Variants in CCDC171 observed in about 807,000 individuals in gnomAD.
The protein encoded by CCDC171 is coiled-coil domain containing 171.
Under a neutral mutation model 168.2 loss-of-function variants are expected in CCDC171, and 177 were observed. The observed-to-expected ratio is 1.05, with a 90% CI of 0.93 to 1.19. The LOEUF (loss-of-function observed/expected upper bound fraction) is 1.19. Ranked by LOEUF, CCDC171 falls within the 50% of genes most tolerant of loss-of-function variation. The probability of loss-of-function intolerance (pLI) is 0.00; values close to 1 mark genes in which losing one functional copy is unlikely to be tolerated. For synonymous variants in CCDC171, 687 were observed against 540.8 expected (o/e 1.27, Z -3.75); for missense variants, 1,991 against 1,539.0 (o/e 1.29, Z -4.91).
At chr9:15,879,993 A>G (rs1337538861) in intron 24 of CCDC171, among the ~76,000 whole-genome samples, 1 of 152,160 alleles carries the variant, frequency 6.6e-6, no homozygotes, top group Non-Finnish European at 1.5e-5. Context: ...AATTTCTGAT[A>G]ATAGAAGAAA....
intron 1 of CCDC171, among the ~76,000 whole-genome samples, chr9:15,563,192 G>A (rs1434735167): frequency 1.3e-5 from 2 of 149,490 alleles, no homozygotes; most frequent in African/African-American, 2.5e-5. Flanking sequence ...AGGCTTGAGT[G>A]CAATGGTGCA....
intron 11 of CCDC171, among the ~76,000 whole-genome samples, chr9:15,699,697 A>C (rs1314624425): frequency 1.3e-5 from 2 of 151,736 alleles, no homozygotes; most frequent in Non-Finnish European, 2.9e-5. Context: ...GACACGGGGT[A>C]CTGATTGGTG....
intron 21 of CCDC171, among the ~76,000 whole-genome samples, chr9:15,832,250 T>G (rs2060265204): frequency 6.6e-6 from 1 of 152,196 alleles, no homozygotes; most frequent in South Asian, 2.1e-4. Context: ...CTCCTTTAAT[T>G]TGACCTTATC....
chr9:15,859,019 A>G (rs1472023886), intron 23 of CCDC171, among the ~76,000 whole-genome samples: 1 of 151,792 alleles, frequency 6.6e-6, no homozygotes, highest in East Asian at 1.9e-4. Flanking sequence ...TTAGCTGTGA[A>G]CTCTACATAT....
rs58407296 is a variant in CCDC171 at position 15,736,661 on chromosome 9, T to TTTTCTTTCTTTCTTTCTTTC, written c.2049+6875_2049+6894dup. 1.5e-3 allele frequency among the ~76,000 whole-genome samples: 219 copies of TTTTCTTTCTTTCTTTCTTTC among 148,006 alleles called. 1 individual carries two copies. The highest frequency in any genetic ancestry group is 4.2e-3 in the African/African-American group (168 of 39,896). On this transcript the variant is annotated intron_variant, in intron 16 of 25. Coordinates refer to ENST00000380701, the MANE Select transcript of CCDC171 (RefSeq NM_173550.4). ...GCCACGGTGCCCGGCTCACATTTCT[T>TTTTCTTTCTTTCTTTCTTTC]TTTCTTTCTTTCTTTCTTTCTTTCT...
At chr9:16,007,243 T>A (rs1484771644) in intron 3 of CCDC171, among the ~76,000 whole-genome samples, 3 of 152,258 alleles carry the variant, frequency 2.0e-5, no homozygotes, top group African/African-American at 7.2e-5. Flanking sequence ...TTGAGTAGTG[T>A]CTGTTCATAT....
At chr9:15,857,355 T>A (rs185959797) in intron 23 of CCDC171, among the ~76,000 whole-genome samples, 23 of 152,098 alleles carry the variant, frequency 1.5e-4, no homozygotes, top group South Asian at 4.2e-4. Context: ...AAATTTATAG[T>A]TGTAAGTCTT....
chr9:15,678,866 T>A lies in CCDC171; in HGVS notation c.1185T>A (p.Ser395Arg), dbSNP rs1237150580. Residue 395 changes from serine to arginine, a missense_variant, in exon 10 of 26, where the codon AGT becomes AGA. Coordinates refer to ENST00000380701, the MANE Select transcript of CCDC171 (RefSeq NM_173550.4). ...AGAGACTCCAGTATAATGAAAAAAG[T>A]TGCAGTGAATTACAGGAAGAACTAG... ...LSKRLQYNEK[S>R]CSELQEELVM... 1 of 1,591,178 alleles carries A rather than the reference T, an allele frequency of 6.3e-7. No homozygotes were observed. The highest frequency in any genetic ancestry group is 1.4e-5 in the African/African-American group (1 of 73,390).
chr9:16,017,100 A>G (rs12001290), intron 3 of CCDC171, among the ~76,000 whole-genome samples: 2,768 of 152,256 alleles, frequency 0.018, 82 homozygotes, highest in African/African-American at 0.062. Context: ...TTGGTGGTGG[A>G]GTAGATTATG....
At chr9:15,596,000 T>A (rs1200741490) in intron 6 of CCDC171, among the ~76,000 whole-genome samples, 2 of 152,148 alleles carry the variant, frequency 1.3e-5, no homozygotes, top group African/African-American at 4.8e-5. Flanking sequence ...GGGTTGTTTT[T>A]TTCCTGTAAA....
intron 25 of CCDC171, among the ~76,000 whole-genome samples, chr9:15,966,788 T>G (rs760904544): frequency 6.6e-5 from 10 of 152,108 alleles, no homozygotes; most frequent in Non-Finnish European, 1.5e-4. Flanking sequence ...GGGAGAAGAA[T>G]GCATAAAATA....
intron 10 of CCDC171, among the ~76,000 whole-genome samples, chr9:15,688,065 G>A (rs1160464605): frequency 2.7e-5 from 4 of 150,676 alleles, no homozygotes; most frequent in Non-Finnish European, 5.9e-5. Flanking sequence ...GTTGTGGTGA[G>A]CTGAGATGGC....
At chr9:15,675,043 C>T (rs1397933290) in intron 9 of CCDC171, among the ~76,000 whole-genome samples, 2 of 152,084 alleles carry the variant, frequency 1.3e-5, no homozygotes, top group Non-Finnish European at 2.9e-5. Flanking sequence ...TCTGGGTGCT[C>T]CTGTATTGGG....
At chr9:15,994,242 C>A (rs56229364) in intron 3 of CCDC171, among the ~76,000 whole-genome samples, 11,682 of 152,146 alleles carry the variant, frequency 0.077, 1,473 homozygotes, top group African/African-American at 0.27. Flanking sequence ...TATACCATGG[C>A]ATCCTATGCA....
intron 3 of CCDC171, among the ~76,000 whole-genome samples, chr9:15,996,665 A>G (rs200748049): frequency 1.3e-5 from 2 of 152,120 alleles, no homozygotes; most frequent in South Asian, 2.1e-4. Flanking sequence ...AATGTTTAGT[A>G]TAATCTCATT....
At chr9:15,825,735 A>G (rs2059984556) in intron 21 of CCDC171, among the ~76,000 whole-genome samples, 1 of 152,028 alleles carries the variant, frequency 6.6e-6, no homozygotes, top group South Asian at 2.1e-4. Context: ...AGGAATGGAG[A>G]TTGCAATAAT....
intron 9 of CCDC171, among the ~76,000 whole-genome samples, chr9:15,673,128 G>A (rs1002840653): frequency 6.6e-6 from 1 of 152,106 alleles, no homozygotes; most frequent in Non-Finnish European, 1.5e-5. Flanking sequence ...TTATGAATGG[G>A]AGTTCACTCA....
chr9:15,861,219 T>TG, intron 23 of CCDC171, among the ~76,000 whole-genome samples: 1 of 151,632 alleles, frequency 6.6e-6, no homozygotes, highest in African/African-American at 2.4e-5. Context: ...GTTGGATCTT[T>TG]TTTTTTTTTA....
At chr9:15,559,492 T>G (rs1340526439) in intron 1 of CCDC171, among the ~76,000 whole-genome samples, 1 of 152,200 alleles carries the variant, frequency 6.6e-6, no homozygotes, top group African/African-American at 2.4e-5. Context: ...TGTAATGGCC[T>G]TCTTTGTCTC....
Sources: allele counts gnomAD v4.1 joint callset (sites outside exome capture counted in the v4.1 genomes callset), GRCh38; gene constraint gnomAD v4.1.1; transcripts MANE v1.5; gene names NCBI Gene and HGNC (gene_info 2026-07-23, HGNC 2026-07-21).